Variants in TNC observed in about 807,000 individuals in gnomAD.
TNC encodes the protein tenascin.
Under a neutral mutation model 202.4 loss-of-function variants are expected in TNC, and 109 were observed. The observed-to-expected ratio is 0.54, with a 90% confidence interval of 0.46 to 0.63. The LOEUF (loss-of-function observed/expected upper bound fraction) is 0.63. Among genes scored for constraint, TNC ranks in the 30% least tolerant of loss-of-function variants. The pLI, the probability that TNC is intolerant of heterozygous loss-of-function variation, is 0.00. For missense variants in TNC, 2,756 were observed against 2,833.3 expected, an observed-to-expected ratio of 0.97 and a Z score of 0.62; for synonymous variants, 1,007 against 1,089.7, an observed-to-expected ratio of 0.92 and a Z score of 1.50.
At position 115,086,201 on chromosome 9, in the gene TNC, G is replaced by A; in HGVS notation, c.1530C>T (p.Leu510=). The change falls in exon 3 of 28, where the codon CTC becomes CTT. Residue 510 remains leucine (L), a synonymous_variant. Coordinates refer to ENST00000350763, the MANE Select transcript of TNC (RefSeq NM_002160.4). ...CACAGACGCACTGTCCGTCCACACA[G>A]AGGCCCCTGTTGCTGCAGTCCCTGG... The part of the protein sequence containing the change: ...QCPRDCSNRG[L]CVDGQCVCED... The A allele has an allele frequency of 6.2e-7, 1 of 1,614,170 alleles. No homozygotes were observed. Among genetic ancestry groups the A allele is most frequent in the South Asian group, 1.1e-5 (1 of 91,082 alleles).
chr9:115,042,393 C>A, intron 17 of TNC, 52 bp from the exon 18 acceptor site: 2 of 1,597,804 alleles, frequency 1.3e-6, no homozygotes, highest in South Asian at 2.2e-5. Flanking sequence ...CTGTCTTGTT[C>A]ATCAATGGTT....
chr9:115,104,957 C>T (rs917593316), intron 1 of TNC, among the ~76,000 whole-genome samples: 2 of 152,068 alleles, frequency 1.3e-5, no homozygotes, highest in Admixed American at 6.6e-5. Context: ...AGAGTGTTGA[C>T]GTGTACACCA....
intron 1 of TNC, among the ~76,000 whole-genome samples, chr9:115,095,931 T>C (rs896963312): frequency 5.3e-5 from 8 of 152,046 alleles, no homozygotes; most frequent in Non-Finnish European, 1.2e-4. Flanking sequence ...ACATAGTCTT[T>C]GCATTGGCAC....
intron 1 of TNC, among the ~76,000 whole-genome samples, chr9:115,102,885 A>G (rs1836341197): frequency 1.3e-5 from 2 of 152,210 alleles, no homozygotes; most frequent in Non-Finnish European, 2.9e-5. Context: ...AGCTGAATGT[A>G]TTTCTTGGTT....
intron 17 of TNC, among the ~76,000 whole-genome samples, chr9:115,045,993 C>G (rs1831161952): frequency 6.6e-6 from 1 of 151,402 alleles, no homozygotes; most frequent in South Asian, 2.1e-4. Context: ...AAGTGTATCT[C>G]TGGATAAAAT....
At chr9:115,021,734 A>T (rs769236244) in intron 27 of TNC, among the ~76,000 whole-genome samples, 1 of 152,230 alleles carries the variant, frequency 6.6e-6, no homozygotes, top group Non-Finnish European at 1.5e-5. Flanking sequence ...ACAGCTCAAC[A>T]AAACACAGTT....
chr9:115,022,055 C>T (rs550621613), intron 27 of TNC, among the ~76,000 whole-genome samples: 58 of 152,352 alleles, frequency 3.8e-4, no homozygotes, highest in African/African-American at 1.4e-3. Context: ...CAGGTTTCAA[C>T]TTTGACTCTT....
chr9:115,046,590 T>A lies in TNC; in HGVS notation c.4945A>T (p.Asn1649Tyr). 6.2e-7 allele frequency: 1 copy of A among 1,614,068 alleles called. No individual in the cohort carries two copies. The highest frequency in any genetic ancestry group is 8.5e-7 in the Non-Finnish European group (1 of 1,180,002). ...SWTADEGVFD[N>Y]FVLKIRDTKK... ...GTATCTCTGATTTTGAGAACAAAATTGTCGAAGACCCCTTCATCAGCTGTC... is the reference window on the plus strand; with the variant it reads ...GTATCTCTGATTTTGAGAACAAAATAGTCGAAGACCCCTTCATCAGCTGTC... Residue 1649 changes from asparagine to tyrosine, a missense_variant, in exon 17 of 28, where the codon AAT becomes TAT. Asn to Tyr is a moderately radical substitution (Grantham distance 143). Coordinates refer to ENST00000350763, the MANE Select transcript of TNC (RefSeq NM_002160.4).
intron 1 of TNC, among the ~76,000 whole-genome samples, chr9:115,102,101 G>T (rs755898027): frequency 1.3e-5 from 2 of 152,132 alleles, no homozygotes; most frequent in Non-Finnish European, 2.9e-5. Context: ...TGAAAAAACT[G>T]AGGCATAGAG....
Position 115,031,693 on chromosome 9 carries a change from C to A in TNC, c.5788-8G>T. Reference sequence around the variant, plus strand: ...TGGACCCACAATGACTTCCTAAGAGCAGAAGAAAAAGTATAATGGCTTTTG... The same window carrying A: ...TGGACCCACAATGACTTCCTAAGAGAAGAAGAAAAAGTATAATGGCTTTTG... On this transcript the variant is annotated splice_region_variant and splice_polypyrimidine_tract_variant and intron_variant, in intron 22 of 27. Transcript: ENST00000350763. 1 of 1,603,952 alleles carries A rather than the reference C, an allele frequency of 6.2e-7. No individual in the cohort carries two copies. Among genetic ancestry groups the A allele is most frequent in the South Asian group, 1.1e-5 (1 of 89,524 alleles).
At chr9:115,099,170 A>T (rs891214536) in intron 1 of TNC, among the ~76,000 whole-genome samples, 4 of 152,010 alleles carry the variant, frequency 2.6e-5, no homozygotes, top group African/African-American at 7.3e-5. Context: ...ATCCAAGAGG[A>T]CTGAGAATTA....
At position 115,020,412 on chromosome 9, in the gene TNC, T is replaced by C. The variant is rs1828978463; in HGVS notation, c.*745A>G. On this transcript the variant is annotated 3_prime_UTR_variant, in exon 28 of 28. Coordinates refer to ENST00000350763, the MANE Select transcript of TNC (RefSeq NM_002160.4). ...CCTCTCTCCCAGTCTTTAGTCTCCT[T>C]TCCACCCCTCCCACTTGACCACTAT... 1 of 167,988 alleles carries C rather than the reference T, an allele frequency of 6.0e-6. No homozygotes were observed. Among genetic ancestry groups the C allele is most frequent in the African/African-American group, 2.4e-5 (1 of 41,618 alleles). 10.4% of individuals were successfully genotyped at this position (167,988 alleles called of 1,614,324 possible).
At chr9:115,080,547 C>T (rs565205834) in intron 6 of TNC, among the ~76,000 whole-genome samples, 1 of 152,316 alleles carries the variant, frequency 6.6e-6, no homozygotes, top group South Asian at 2.1e-4. Flanking sequence ...AGAGTTGGCG[C>T]ATATGTTATC....
rs550006125 is a variant in TNC at position 115,039,416 on chromosome 9, T to C, written c.5393-1036A>G. Among the ~76,000 whole-genome samples, 9 of 152,304 alleles carry C rather than the reference T, an allele frequency of 5.9e-5. No homozygotes were observed. The South Asian group carries it at 1.7e-3, about 28-fold the overall frequency. ...TTATTAAGATCTCTATTAAAGGTATTTGAAGTCTTAAGTATGGTTTTCAAA... is the reference window on the plus strand; with the variant it reads ...TTATTAAGATCTCTATTAAAGGTATCTGAAGTCTTAAGTATGGTTTTCAAA... On this transcript the variant is annotated intron_variant, in intron 19 of 27. Transcript: ENST00000350763.
chr9:115,100,925 A>G (rs1003012498), intron 1 of TNC, among the ~76,000 whole-genome samples: 8 of 152,240 alleles, frequency 5.3e-5, no homozygotes, highest in African/African-American at 1.4e-4. Flanking sequence ...AATGCATATG[A>G]AAGTCTTTCA....
intron 15 of TNC, among the ~76,000 whole-genome samples, chr9:115,056,264 CT>C (rs1832112823): frequency 6.6e-6 from 1 of 151,774 alleles, no homozygotes; most frequent in African/African-American, 2.4e-5. Context: ...GATATTGTTT[CT>C]TTTTTTCTAG....
At chr9:115,081,974 CTCTTAA>C in intron 5 of TNC, 46 bp from the exon 6 acceptor site, 1 of 1,531,036 alleles carries the variant, frequency 6.5e-7, no homozygotes, top group South Asian at 1.2e-5. Context: ...AGGTGCCAGT[CTCTTAA>C]TTTATGTGAT....
chr9:115,086,051 C>T lies in TNC; in HGVS notation c.1680G>A (p.Glu560=). 1 of 1,614,192 alleles carries T rather than the reference C, an allele frequency of 6.2e-7. No homozygotes were observed. The highest frequency in any genetic ancestry group is 8.5e-7 in the Non-Finnish European group (1 of 1,180,020). Residue 560 remains glutamate (E), a synonymous_variant, in exon 3 of 28, where the codon GAG becomes GAA. Coordinates refer to ENST00000350763, the MANE Select transcript of TNC (RefSeq NM_002160.4). The stretch of plus-strand genomic sequence containing the variant: ...CATGACAGTCACTGGGACATCTTTG[C>T]TCCTTGCAGTCTTTGCCCATAAATC... ...HEGFMGKDCK[E]QRCPSDCHGQ... is the part of the protein sequence containing the mutation.
intron 22 of TNC, among the ~76,000 whole-genome samples, chr9:115,032,568 G>A (rs1830030449): frequency 6.6e-6 from 1 of 152,100 alleles, no homozygotes; most frequent in Admixed American, 6.5e-5. Flanking sequence ...ATGATGCCTG[G>A]GCCTCATCTC....
Sources: gnomAD v4.1 joint callset for allele counts (sites outside exome capture counted in the v4.1 genomes callset) on GRCh38, gnomAD v4.1.1 for gene constraint, MANE v1.5 for transcripts, NCBI Gene and HGNC (gene_info 2026-07-23, HGNC 2026-07-21) for gene names.